The following RAB3IL1 variants were observed in gnomAD, a reference collection of about 807,000 sequenced individuals.
RAB3IL1 encodes the protein guanine nucleotide exchange factor for Rab-3A.
A neutral mutation model predicts 49.2 loss-of-function variants in RAB3IL1; 37 were observed. The ratio of observed to expected loss-of-function variants is 0.75; its 90% CI spans 0.58 to 0.99. The LOEUF (loss-of-function observed/expected upper bound fraction) is 0.99. Among genes scored for constraint, RAB3IL1 ranks in the 50% least tolerant of loss-of-function variants. The pLI is 0.00. For synonymous variants in RAB3IL1, 193 were observed against 213.9 expected (o/e 0.90, Z 0.85); for missense variants, 484 against 513.0 (o/e 0.94, Z 0.55).
chr11:61,915,889 T>A (rs890935985), intron 1 of RAB3IL1, among the ~76,000 whole-genome samples: 15 of 151,502 alleles, frequency 9.9e-5, no homozygotes, highest in Admixed American at 2.6e-4. Flanking sequence ...CACAAAAAAA[T>A]TAGCTGGGCG....
At chr11:61,928,832 TCACCAG>T in the RAB3IL1 span, among the ~76,000 whole-genome samples, 1 of 152,082 alleles carries the variant, frequency 6.6e-6, no homozygotes, top group African/African-American at 2.4e-5. Flanking sequence ...CAATCAGAGA[TCACCAG>T]CACATAAAGA....
In RAB3IL1 at chr11:61,906,366, C is replaced by T; in HGVS notation, c.657+100G>A. 2 of 1,109,536 alleles carry T rather than the reference C, an allele frequency of 1.8e-6. No homozygotes were observed. Among genetic ancestry groups the T allele is most frequent in the Non-Finnish European group, 2.6e-6 (2 of 762,270 alleles). The allele number at this position is 1,109,536 out of a possible 1,614,324, so 68.7% of individuals were successfully genotyped here. On this transcript the variant is annotated intron_variant, in intron 5 of 9. Transcript: ENST00000394836. The surrounding 1 kb of genome is among the most constrained non-coding windows in gnomAD (Gnocchi z 4.6). ...GAGAGGCGCAGGACAGGCTCCAGGT[C>T]ACACAGCATGGGGCAGGCTGGTCCT...
At position 61,898,308 on chromosome 11, in the gene RAB3IL1, G is replaced by A. The variant is rs760612979; in HGVS notation, c.1119C>T (p.Ala373=). The A allele has an allele frequency of 1.2e-5, 19 of 1,613,528 alleles. No individual in the cohort carries two copies. In the East Asian group the frequency reaches 4.2e-4, roughly 36 times the overall value. ...CCTCCTGGGGGAAGAAGCCGAGCTT[G>A]GCCAGTGACATCTCCTTCCGCAACC... ...IMRLRKEMSL[A]KLGFFPQEA Residue 373 remains alanine, a synonymous_variant, in exon 10 of 10, where the codon GCC becomes GCT. Transcript: ENST00000394836. This position sits in a 1 kb window ranked among gnomAD's most constrained non-coding sequence, Gnocchi z 5.1.
chr11:61,908,830 G>A (rs1239417521), intron 1 of RAB3IL1, among the ~76,000 whole-genome samples: 1 of 152,230 alleles, frequency 6.6e-6, no homozygotes, highest in African/African-American at 2.4e-5. Flanking sequence ...AGGGCAGGCA[G>A]GGCTGAGGCA....
At chr11:61,942,504 G>C in the RAB3IL1 span, among the ~76,000 whole-genome samples, 2 of 151,904 alleles carry the variant, frequency 1.3e-5, no homozygotes, top group South Asian at 2.1e-4. Context: ...AAACACCTGA[G>C]CTCAAACAAT....
chr11:61,926,104 C>CAAAAAAAAA, the RAB3IL1 span, among the ~76,000 whole-genome samples: 12 of 64,048 alleles, frequency 1.9e-4, no homozygotes, highest in African/African-American at 4.8e-4. Context: ...TCCTTCCTGC[C>CAAAAAAAAA]AAAAAAAAAA....
At chr11:61,930,871 A>T in the RAB3IL1 span, among the ~76,000 whole-genome samples, 2 of 152,154 alleles carry the variant, frequency 1.3e-5, no homozygotes, top group Non-Finnish European at 2.9e-5. Flanking sequence ...GACAATGTTT[A>T]AAAAAAATTC....
Position 61,904,852 on chromosome 11 carries a change from C to A in RAB3IL1, c.688G>T (p.Ala230Ser), listed in dbSNP as rs771059875. 1.2e-6 allele frequency: 2 copies of A among 1,607,668 alleles called. No individual in the cohort carries two copies. Among genetic ancestry groups the A allele is most frequent in the Non-Finnish European group, 1.7e-6 (2 of 1,177,132 alleles). The change falls in exon 6 of 10, where the codon GCC becomes TCC. Residue 230 changes from alanine (A) to serine (S), a missense_variant. Transcript: ENST00000394836. ...VDTILFAEFQAWRESPTLDKT... is the reference protein window; with the variant it reads ...VDTILFAEFQSWRESPTLDKT... ...TCCAGGGTGGGGGATTCCCTCCAGG[C>A]CTGGAACTCTGCAAACAGGATTGTG... is the stretch of plus-strand genomic sequence containing the variant.
chr11:61,945,670 G>A, the RAB3IL1 span: 1 of 792,934 alleles, frequency 1.3e-6, no homozygotes, highest in Non-Finnish European at 1.5e-6. Flanking sequence ...TCTAGGAGAA[G>A]CCTGACCCAT....
At chr11:61,917,600 C>A (rs1939764262), upstream of RAB3IL1, 9 of 1,045,778 alleles carry the variant, frequency 8.6e-6, no homozygotes, top group Non-Finnish European at 9.2e-6. Flanking sequence ...AGGACACGTG[C>A]CCGGCCCCGC....
chr11:61,920,687 G>C (rs1939883039), upstream of RAB3IL1, among the ~76,000 whole-genome samples: 1 of 152,256 alleles, frequency 6.6e-6, no homozygotes, highest in African/African-American at 2.4e-5. Flanking sequence ...ACTTTGGGAG[G>C]CTGAGGCGGG....
In RAB3IL1 at chr11:61,904,616, T is replaced by C; in HGVS notation, c.829A>G (p.Thr277Ala). ...VRAAVEDNTL[T>A]IEPVASQTLP... ...GTCTGCGAAGCCACCGGCTCAATGG[T>C]GAGCGTGTTGTCCTCCACGGCGGCC... Residue 277 changes from threonine (T) to alanine (A), a missense_variant, in exon 7 of 10, where the codon ACC becomes GCC. Transcript: ENST00000394836. 6.2e-7 allele frequency: 1 copy of C among 1,613,094 alleles called. No homozygotes were observed. The highest frequency in any genetic ancestry group is 8.5e-7 in the Non-Finnish European group (1 of 1,179,710).
chr11:61,914,382 G>A (rs1433324822), intron 1 of RAB3IL1, among the ~76,000 whole-genome samples: 1 of 152,248 alleles, frequency 6.6e-6, no homozygotes, highest in African/African-American at 2.4e-5. Flanking sequence ...CTGAGACCAG[G>A]GGGCTGGAAC....
In RAB3IL1 at chr11:61,908,069, C is replaced by A. The variant is rs150649270; in HGVS notation, c.249G>T (p.Leu83=). The change falls in exon 2 of 10, where the codon CTG becomes CTT. Residue 83 remains leucine (L), a synonymous_variant. Coordinates refer to ENST00000394836, the MANE Select transcript of RAB3IL1 (RefSeq NM_013401.4). ...AGGCACCCACCTTCTGCGCTCTGTG[C>A]AGCTCCTCCTTCAGGAACTCGGAGC... ...EKGSEFLKEE[L]HRAQKELKLK... is the part of the protein sequence containing the mutation. The A allele has an allele frequency of 3.3e-5, 53 of 1,611,046 alleles. No individual in the cohort carries two copies. The highest frequency in any genetic ancestry group is 4.3e-5 in the Non-Finnish European group (51 of 1,179,158).
chr11:61,935,334 C>T, the RAB3IL1 span, among the ~76,000 whole-genome samples: 8 of 150,834 alleles, frequency 5.3e-5, no homozygotes, highest in South Asian at 6.3e-4. Flanking sequence ...GCAGGAGAAT[C>T]GCTTGAACCC....
chr11:61,904,457 T>A, intron 7 of RAB3IL1, 89 bp downstream of exon 7: 1 of 1,279,944 alleles, frequency 7.8e-7, no homozygotes, highest in African/African-American at 1.5e-5. Context: ...TCGGCGCTGC[T>A]GCATCCTGAC....
rs1207730295 is a variant in RAB3IL1, at chr11:61,899,268, C to A, written c.1066+46G>T. 2.5e-6 allele frequency: 4 copies of A among 1,575,488 alleles called. No homozygotes were observed. The East Asian group carries it at 6.8e-5, about 27-fold the overall frequency. ...CCAGAGGGCACTTCCCCATCCAGCC[C>A]CACTCCCGTGTGCGATCCCTGCACC... On this transcript the variant is annotated intron_variant, in intron 9 of 9. Coordinates refer to ENST00000394836, the MANE Select transcript of RAB3IL1 (RefSeq NM_013401.4).
intron 8 of RAB3IL1, among the ~76,000 whole-genome samples, chr11:61,900,674 G>A (rs1287470248): frequency 2.6e-5 from 4 of 152,138 alleles, no homozygotes; most frequent in Admixed American, 1.3e-4. Context: ...GAGTGTGCTA[G>A]GGAGAAAACA....
At chr11:61,923,989 G>A (rs944884280), upstream of RAB3IL1, among the ~76,000 whole-genome samples, 3 of 152,166 alleles carry the variant, frequency 2.0e-5, no homozygotes, top group East Asian at 1.9e-4. Flanking sequence ...GTGTGGAGGC[G>A]GCCGAATGGG....
Sources: allele counts gnomAD v4.1 joint callset (sites outside exome capture counted in the v4.1 genomes callset), GRCh38; gene constraint gnomAD v4.1.1; non-coding constraint Gnocchi (gnomAD v3.1); transcripts MANE v1.5; gene names NCBI Gene and HGNC (gene_info 2026-07-23, HGNC 2026-07-21).